Variants in FHIT observed in about 807,000 individuals in gnomAD.
FHIT encodes the protein bis(5'-adenosyl)-triphosphatase.
FHIT carries 19 observed loss-of-function variants against 17.9 expected under a neutral mutation model. The ratio of observed to expected loss-of-function variants is 1.06; its 90% CI spans 0.74 to 1.56. The LOEUF is 1.56. Ranked by LOEUF, FHIT falls within the 40% of genes most tolerant of loss-of-function variation. The pLI, the probability that FHIT is intolerant of heterozygous loss-of-function variation, is 0.00. For synonymous variants in FHIT, 81 were observed against 69.7 expected (o/e 1.16, Z -0.81); for missense variants, 248 against 189.2 (o/e 1.31, Z -1.82).
chr3:60,709,108 G>T (rs1292689398), intron 4 of FHIT, among the ~76,000 whole-genome samples: 2 of 152,094 alleles, frequency 1.3e-5, no homozygotes, highest in African/African-American at 4.8e-5. Flanking sequence ...AAGAGTTTGT[G>T]GTTATGTTGG....
intron 8 of FHIT, among the ~76,000 whole-genome samples, chr3:59,913,584 C>T (rs1408821669): frequency 6.6e-6 from 1 of 152,070 alleles, no homozygotes; most frequent in Non-Finnish European, 1.5e-5. Context: ...TCAAATATTA[C>T]ATTTATTTAA....
At chr3:60,359,993 T>C (rs958345323) in intron 5 of FHIT, among the ~76,000 whole-genome samples, 5 of 148,766 alleles carry the variant, frequency 3.4e-5, no homozygotes, top group South Asian at 4.2e-4. Context: ...TTTTTTTTTT[T>C]TTTCTTTTTT....
At position 60,904,053 on chromosome 3, in the gene FHIT, G is replaced by C. The variant is rs543391593; in HGVS notation, c.-110-82042C>G. ...AAACGAGAAAGAGTATCACTTGTTTGTCCTTCCATTTCTCATTTTCCAGCT... is the reference window on the plus strand; with the variant it reads ...AAACGAGAAAGAGTATCACTTGTTTCTCCTTCCATTTCTCATTTTCCAGCT... On this transcript the variant is annotated intron_variant, in intron 3 of 9. Coordinates refer to ENST00000492590, the MANE Select transcript of FHIT (RefSeq NM_002012.4). Among the ~76,000 whole-genome samples the C allele has an allele frequency of 2.6e-4, 39 of 152,278 alleles. No individual in the cohort carries two copies. The South Asian group carries it at 2.9e-3, about 11-fold the overall frequency.
At chr3:60,695,819 A>C (rs2041101753) in intron 4 of FHIT, among the ~76,000 whole-genome samples, 1 of 152,212 alleles carries the variant, frequency 6.6e-6, no homozygotes, top group African/African-American at 2.4e-5. Flanking sequence ...CCTCACCTAC[A>C]AAATGGAAGT....
chr3:60,077,741 G>A (rs941184418), intron 5 of FHIT, among the ~76,000 whole-genome samples: 6 of 130,850 alleles, frequency 4.6e-5, no homozygotes, highest in African/African-American at 1.3e-4. Flanking sequence ...TATATAGAGG[G>A]GGGGGGGAGG....
At chr3:60,973,770 G>A (rs1384769821) in intron 3 of FHIT, among the ~76,000 whole-genome samples, 1 of 152,156 alleles carries the variant, frequency 6.6e-6, no homozygotes, top group African/African-American at 2.4e-5. Flanking sequence ...GATAATGTCA[G>A]GAAATCTGAA....
intron 4 of FHIT, among the ~76,000 whole-genome samples, chr3:60,620,661 G>A (rs2039097198): frequency 6.6e-6 from 1 of 151,568 alleles, no homozygotes; most frequent in Non-Finnish European, 1.5e-5. Flanking sequence ...AGGGAAAGAG[G>A]GATGGCTAGA....
intron 4 of FHIT, among the ~76,000 whole-genome samples, chr3:60,750,592 C>T (rs1262163590): frequency 2.0e-5 from 3 of 152,180 alleles, no homozygotes; most frequent in African/African-American, 2.4e-5. Context: ...TAAGATGTGA[C>T]TTGCTCCTCC....
chr3:60,543,247 C>T (rs1042855609), intron 4 of FHIT, among the ~76,000 whole-genome samples: 6 of 152,120 alleles, frequency 3.9e-5, no homozygotes, highest in African/African-American at 1.2e-4. Flanking sequence ...GGCAGCAGCC[C>T]AGATTTGGTT....
chr3:60,122,660 T>A (rs1325321387), intron 5 of FHIT, among the ~76,000 whole-genome samples: 3 of 152,150 alleles, frequency 2.0e-5, no homozygotes, highest in African/African-American at 7.2e-5. Flanking sequence ...GAAAAAAGTA[T>A]CTGGTGAAAT....
intron 3 of FHIT, among the ~76,000 whole-genome samples, chr3:60,936,089 C>T (rs1461968822): frequency 6.6e-6 from 1 of 152,162 alleles, no homozygotes; most frequent in South Asian, 2.1e-4. Flanking sequence ...CACTCACCTC[C>T]TGATTAATAG....
intron 4 of FHIT, among the ~76,000 whole-genome samples, chr3:60,811,426 C>A (rs1319893494): frequency 9.9e-5 from 15 of 152,160 alleles, no homozygotes; most frequent in Admixed American, 9.8e-4. Context: ...TATGAAACTA[C>A]TGTTTCCCTC....
At chr3:61,065,593 C>G (rs1243929911) in intron 2 of FHIT, among the ~76,000 whole-genome samples, 1 of 152,082 alleles carries the variant, frequency 6.6e-6, no homozygotes, top group African/African-American at 2.4e-5. Flanking sequence ...CATGCTTGTC[C>G]CTCAGGCAGT....
At chr3:60,205,368 G>A (rs1028973677) in intron 5 of FHIT, among the ~76,000 whole-genome samples, 1 of 152,108 alleles carries the variant, frequency 6.6e-6, no homozygotes, top group Non-Finnish European at 1.5e-5. Context: ...CATATTAGCA[G>A]GTTGACAAAT....
At chr3:59,984,222 C>G (rs1559520949) in intron 7 of FHIT, among the ~76,000 whole-genome samples, 1 of 151,976 alleles carries the variant, frequency 6.6e-6, no homozygotes, top group African/African-American at 2.4e-5. Context: ...GACTGAATTT[C>G]TCCAGAACTG....
At chr3:60,218,929 A>C (rs995005841) in intron 5 of FHIT, among the ~76,000 whole-genome samples, 3 of 152,068 alleles carry the variant, frequency 2.0e-5, no homozygotes, top group African/African-American at 7.2e-5. Flanking sequence ...GCTTCTAAAC[A>C]AAGGTAAGGG....
chr3:60,419,847 A>G (rs1487613769), intron 5 of FHIT, among the ~76,000 whole-genome samples: 1 of 152,172 alleles, frequency 6.6e-6, no homozygotes, highest in Non-Finnish European at 1.5e-5. Context: ...AATATCATCT[A>G]TACTTTTTCT....
intron 3 of FHIT, among the ~76,000 whole-genome samples, chr3:61,024,738 A>G (rs1280817874): frequency 1.3e-5 from 2 of 152,218 alleles, no homozygotes; most frequent in Non-Finnish European, 2.9e-5. Context: ...TTATGATTTT[A>G]AAGTTTATCT....
At chr3:59,917,389 T>C (rs963936753) in intron 8 of FHIT, among the ~76,000 whole-genome samples, 1 of 152,218 alleles carries the variant, frequency 6.6e-6, no homozygotes, top group African/African-American at 2.4e-5. Flanking sequence ...GAGTTGGTTA[T>C]TTGGGATACA....
Sources: allele counts gnomAD v4.1 joint callset (sites outside exome capture counted in the v4.1 genomes callset), GRCh38; gene constraint gnomAD v4.1.1; transcripts MANE v1.5; gene names NCBI Gene and HGNC (gene_info 2026-07-23, HGNC 2026-07-21).